Variants in NMBR observed in about 807,000 individuals in gnomAD.
NMBR encodes neuromedin B receptor.
A neutral mutation model predicts 20.5 loss-of-function variants in NMBR; 16 were observed. That is an observed-to-expected ratio of 0.78 (90% CI 0.53 to 1.19). The LOEUF (loss-of-function observed/expected upper bound fraction) is 1.19. Ranked by LOEUF, NMBR falls within the 50% of genes most tolerant of loss-of-function variation. The pLI, the probability that NMBR is intolerant of heterozygous loss-of-function variation, is 0.00. For synonymous variants in NMBR, 212 were observed against 196.6 expected, an observed-to-expected ratio of 1.08 and a Z score of -0.65; for missense variants, 582 against 499.1, an observed-to-expected ratio of 1.17 and a Z score of -1.58.
At chr6:142,144,415 AT>A (rs1778399360) in intron 1 of NMBR, among the ~76,000 whole-genome samples, 1 of 152,042 alleles carries the variant, frequency 6.6e-6, no homozygotes, top group African/African-American at 2.4e-5. Context: ...GGTGTAAAAC[AT>A]TTTTTCCCAT....
intron 1 of NMBR, among the ~76,000 whole-genome samples, chr6:142,139,067 C>A (rs1301384908): frequency 6.6e-6 from 1 of 152,104 alleles, no homozygotes; most frequent in African/African-American, 2.4e-5. Context: ...TTCTACCCTC[C>A]TGCTGGTTGA....
chr6:142,112,093 C>A (rs1005565325), intron 1 of NMBR, among the ~76,000 whole-genome samples: 3 of 152,130 alleles, frequency 2.0e-5, no homozygotes, highest in Non-Finnish European at 2.9e-5. Flanking sequence ...TTTTGGGAGG[C>A]TGTCGGGAGA....
At chr6:142,118,260 A>G (rs1433136025) in intron 1 of NMBR, among the ~76,000 whole-genome samples, 30 of 152,022 alleles carry the variant, frequency 2.0e-4, no homozygotes, top group Admixed American at 2.0e-3. Flanking sequence ...CTAACAGTCC[A>G]GTTCTAATAC....
At chr6:142,106,346 C>T (rs1218371553) in intron 1 of NMBR, among the ~76,000 whole-genome samples, 1 of 152,108 alleles carries the variant, frequency 6.6e-6, no homozygotes, top group African/African-American at 2.4e-5. Flanking sequence ...GTCTCTAGAC[C>T]TCATCATGTC....
chr6:142,075,737 T>C lies in NMBR; in HGVS notation c.1084A>G (p.Met362Val), dbSNP rs1438349702. The change falls in exon 4 of 4, where the codon ATG becomes GTG. Residue 362 changes from methionine (M) to valine (V), a missense_variant. Coordinates refer to ENST00000258042, the MANE Select transcript of NMBR (RefSeq NM_002511.4). The stretch of plus-strand genomic sequence containing the variant: ...TTAGCATTGCTTTTCAGAGATGTCA[T>C]ACGCACCGCTGAAGAGCTGAGTAGG... ...SYLLSSSAVR[M>V]TSLKSNAKNM... The C allele has an allele frequency of 1.2e-6, 2 of 1,614,030 alleles. No individual in the cohort carries two copies. The highest frequency in any genetic ancestry group is 2.7e-5 in the African/African-American group (2 of 75,026).
chr6:142,104,485 T>G (rs1025988281), intron 1 of NMBR, among the ~76,000 whole-genome samples: 3 of 152,176 alleles, frequency 2.0e-5, no homozygotes, highest in African/African-American at 7.2e-5. Flanking sequence ...AAAAAAGACT[T>G]AACTTTGAAG....
chr6:142,100,274 G>A (rs929079321), intron 1 of NMBR, among the ~76,000 whole-genome samples: 1 of 150,544 alleles, frequency 6.6e-6, no homozygotes, highest in Admixed American at 6.7e-5. Context: ...GTTTATAACA[G>A]CTTTATTCAT....
At chr6:142,126,902 T>G (rs1582859671) in intron 1 of NMBR, among the ~76,000 whole-genome samples, 3 of 150,398 alleles carry the variant, frequency 2.0e-5, no homozygotes, top group Admixed American at 6.7e-5. Flanking sequence ...TTTGGGGGGG[T>G]TTATTTAGTT....
At chr6:142,099,096 G>C (rs79953603) in intron 1 of NMBR, among the ~76,000 whole-genome samples, 1,845 of 152,174 alleles carry the variant, frequency 0.012, 39 homozygotes, top group South Asian at 0.068. Flanking sequence ...GGAACAACAG[G>C]ATGTTCTCAT....
chr6:142,106,420 A>G (rs1255887559), intron 1 of NMBR, among the ~76,000 whole-genome samples: 1 of 152,204 alleles, frequency 6.6e-6, no homozygotes, highest in Non-Finnish European at 1.5e-5. Flanking sequence ...AGTTAAATCA[A>G]GCAAGTTTCT....
intron 1 of NMBR, among the ~76,000 whole-genome samples, chr6:142,130,871 G>T (rs1411631850): frequency 1.3e-5 from 2 of 152,112 alleles, no homozygotes; most frequent in Non-Finnish European, 1.5e-5. Flanking sequence ...GAAGAGTATA[G>T]TATACTGCAG....
At position 142,078,599 on chromosome 6, in the gene NMBR, C is replaced by A. The variant is rs147317413; in HGVS notation, c.727G>T (p.Ala243Ser). The part of the protein sequence containing the change: ...YHIAKTLIKS[A>S]HNLPGEYNEH... ...TTGTATTCTCCAGGAAGATTGTGTG[C>A]GCTTTTAATTAAGGTCTTTGCAATA... The change falls in exon 3 of 4, where the codon GCA becomes TCA. Residue 243 changes from alanine to serine, a missense_variant. Coordinates refer to ENST00000258042, the MANE Select transcript of NMBR (RefSeq NM_002511.4). 3.7e-6 allele frequency: 6 copies of A among 1,609,768 alleles called. No individual in the cohort carries two copies. The highest frequency in any genetic ancestry group is 3.3e-5 in the South Asian group (3 of 90,566).
At position 142,088,457 on chromosome 6, in the gene NMBR, A is replaced by G; in HGVS notation, c.202T>C (p.Phe68Leu). Residue 68 changes from phenylalanine to leucine, a missense_variant, in exon 2 of 4, where the codon TTC becomes CTC. Phe to Leu is a conservative substitution (Grantham distance 22). Transcript: ENST00000258042. ...LLGNIMLVKI[F>L]ITNSAMRSVP... The stretch of plus-strand genomic sequence containing the variant: ...CTCCTCATGGCGCTGTTGGTGATGA[A>G]GATCTTCACCAGCATGATGTTGCCC... 6.2e-7 allele frequency: 1 copy of G among 1,614,006 alleles called. No individual in the cohort carries two copies. Among genetic ancestry groups the G allele is most frequent in the Non-Finnish European group, 8.5e-7 (1 of 1,179,978 alleles).
chr6:142,095,813 A>T (rs958701380), intron 1 of NMBR, among the ~76,000 whole-genome samples: 1 of 152,170 alleles, frequency 6.6e-6, no homozygotes, highest in Non-Finnish European at 1.5e-5. Flanking sequence ...GCTATTAATT[A>T]TTGCCTCAAT....
intron 1 of NMBR, among the ~76,000 whole-genome samples, chr6:142,100,682 C>G (rs533668599): frequency 6.6e-6 from 1 of 152,258 alleles, no homozygotes; most frequent in South Asian, 2.1e-4. Context: ...AAATTGAACT[C>G]TAATGTAATC....
At chr6:142,107,270 G>T (rs1002682733) in intron 1 of NMBR, among the ~76,000 whole-genome samples, 5 of 152,042 alleles carry the variant, frequency 3.3e-5, no homozygotes, top group African/African-American at 1.2e-4. Context: ...TCAAAGAAAG[G>T]CCTCAAAAAC....
chr6:142,125,521 T>TACATGAGCATGCATATACACATA (rs1554215499), intron 1 of NMBR, among the ~76,000 whole-genome samples: 1 of 70,506 alleles, frequency 1.4e-5, no homozygotes, highest in African/African-American at 4.7e-5. Context: ...ACATACACAA[T>TACATGAGCATGCATATACACATA]TACTCATGCT....
chr6:142,129,359 G>A (rs1252046166), intron 1 of NMBR, among the ~76,000 whole-genome samples: 1 of 152,062 alleles, frequency 6.6e-6, no homozygotes, highest in African/African-American at 2.4e-5. Flanking sequence ...TTGTATTGGT[G>A]CCTCAAATTT....
chr6:142,138,576 T>C (rs1778311872), intron 1 of NMBR, among the ~76,000 whole-genome samples: 1 of 152,210 alleles, frequency 6.6e-6, no homozygotes, highest in Non-Finnish European at 1.5e-5. Context: ...ATTGACTTTC[T>C]TTATTTAGAA....
Sources: allele counts gnomAD v4.1 joint callset (sites outside exome capture counted in the v4.1 genomes callset), GRCh38; gene constraint gnomAD v4.1.1; transcripts MANE v1.5; gene names NCBI Gene and HGNC (gene_info 2026-07-23, HGNC 2026-07-21).